Variants in MSRB3 observed in about 807,000 individuals in gnomAD.
MSRB3 encodes the protein methionine-R-sulfoxide reductase B3.
MSRB3 carries 13 observed loss-of-function variants against 21.0 expected under a neutral mutation model. The observed-to-expected ratio is 0.62, with a 90% CI of 0.40 to 0.98. The LOEUF is 0.98. MSRB3 is among the 50% of genes least tolerant of loss of function. The probability of loss-of-function intolerance (pLI) is 0.00; values close to 1 mark genes in which losing one functional copy is unlikely to be tolerated. For synonymous variants in MSRB3, 87 were observed against 88.6 expected, an observed-to-expected ratio of 0.98 and a Z score of 0.10; for missense variants, 199 against 230.3, an observed-to-expected ratio of 0.86 and a Z score of 0.88.
In MSRB3 at chr12:65,466,532, A is replaced by C. The variant is rs377347676; in HGVS notation, c.*3210A>C. The stretch of plus-strand genomic sequence containing the variant: ...AAGATGCAGAATTCTGTTGGTGTGC[A>C]AAAAGTATAGCCTTACATTCAAGCA... On this transcript the variant is annotated 3_prime_UTR_variant, in exon 7 of 7. Coordinates refer to ENST00000308259, the MANE Select transcript of MSRB3 (RefSeq NM_001031679.3). 6.6e-6 allele frequency: 1 copy of C among 152,170 alleles called. No homozygotes were observed. Among genetic ancestry groups the C allele is most frequent in the African/African-American group, 2.4e-5 (1 of 41,452 alleles). 9.4% of individuals were successfully genotyped at this position (152,170 alleles called of 1,614,324 possible).
chr12:65,398,628 A>C (rs758388404), intron 5 of MSRB3, among the ~76,000 whole-genome samples: 66 of 152,218 alleles, frequency 4.3e-4, no homozygotes, highest in Non-Finnish European at 4.3e-4. Context: ...CCCATTTGTC[A>C]ATTTTGGCTT....
chr12:65,351,592 A>G (rs1355682980), intron 4 of MSRB3, among the ~76,000 whole-genome samples: 3 of 149,690 alleles, frequency 2.0e-5, no homozygotes, highest in Admixed American at 2.0e-4. Context: ...AAAAAGAGAG[A>G]AGAATCAAAT....
chr12:65,284,669 G>T (rs1446502353), intron 1 of MSRB3: 1 of 152,176 alleles, frequency 6.6e-6, no homozygotes, highest in African/African-American at 2.4e-5. Context: ...GAGAAAAAGA[G>T]AGCATTTGTT....
chr12:65,311,621 C>T (rs1026964764), intron 2 of MSRB3, among the ~76,000 whole-genome samples: 3 of 151,862 alleles, frequency 2.0e-5, no homozygotes, highest in Admixed American at 1.3e-4. Context: ...AGAGAAGAGG[C>T]CAAAATTGGA....
At chr12:65,442,907 A>G (rs1210604489) in intron 5 of MSRB3, among the ~76,000 whole-genome samples, 1 of 152,126 alleles carries the variant, frequency 6.6e-6, no homozygotes, top group Non-Finnish European at 1.5e-5. Context: ...TAAAGTAGCA[A>G]GAGACAGTGT....
At chr12:65,411,582 T>C (rs1463222813) in intron 5 of MSRB3, among the ~76,000 whole-genome samples, 2 of 152,088 alleles carry the variant, frequency 1.3e-5, no homozygotes, top group African/African-American at 4.8e-5. Flanking sequence ...TGAAATTCTC[T>C]TTATAAGCTG....
intron 2 of MSRB3, among the ~76,000 whole-genome samples, chr12:65,318,259 T>G (rs1261452095): frequency 6.6e-6 from 1 of 152,192 alleles, no homozygotes; most frequent in Non-Finnish European, 1.5e-5. Flanking sequence ...TTTGCAAAGC[T>G]GAGTTTTTGA....
intron 2 of MSRB3, 61 bp from the exon 3 acceptor site, chr12:65,326,765 A>C: frequency 7.5e-7 from 1 of 1,330,476 alleles, no homozygotes. Flanking sequence ...CGGTCAGCCA[A>C]AGCAATTATT....
intron 5 of MSRB3, among the ~76,000 whole-genome samples, chr12:65,441,280 T>A (rs1463896239): frequency 6.6e-6 from 1 of 151,954 alleles, no homozygotes; most frequent in Non-Finnish European, 1.5e-5. Context: ...TAGTTGTAGT[T>A]CTCTGAGGTG....
chr12:65,308,957 G>C (rs1010359465), intron 2 of MSRB3: 5 of 421,432 alleles, frequency 1.2e-5, no homozygotes, highest in African/African-American at 1.0e-4. Context: ...TTCATAAGAG[G>C]CTGGCAGTCT....
chr12:65,383,467 A>G (rs1426760892), intron 5 of MSRB3, among the ~76,000 whole-genome samples: 1 of 152,098 alleles, frequency 6.6e-6, no homozygotes, highest in East Asian at 1.9e-4. Context: ...ACACATACCT[A>G]AGGAAAAAGT....
At chr12:65,428,606 G>A (rs1340743557) in intron 5 of MSRB3, among the ~76,000 whole-genome samples, 1 of 152,112 alleles carries the variant, frequency 6.6e-6, no homozygotes, top group Non-Finnish European at 1.5e-5. Flanking sequence ...ACAGGAGTAC[G>A]ACATTATTGG....
chr12:65,302,644 C>T (rs961095751), intron 1 of MSRB3, among the ~76,000 whole-genome samples: 2 of 152,096 alleles, frequency 1.3e-5, no homozygotes, highest in Admixed American at 1.3e-4. Context: ...AAAACAAATA[C>T]AATCACAAAA....
intron 5 of MSRB3, among the ~76,000 whole-genome samples, chr12:65,396,892 T>G (rs1262670305): frequency 6.6e-6 from 1 of 152,006 alleles, no homozygotes; most frequent in Non-Finnish European, 1.5e-5. Context: ...TTGATGGTGT[T>G]GTTAAGTTCA....
intron 5 of MSRB3, among the ~76,000 whole-genome samples, chr12:65,437,757 C>T (rs1197824609): frequency 1.3e-5 from 2 of 151,882 alleles, no homozygotes; most frequent in African/African-American, 2.4e-5. Context: ...CTAAGCCAAT[C>T]ATAAAATTCC....
At chr12:65,306,356 A>G (rs1002614447) in intron 1 of MSRB3, among the ~76,000 whole-genome samples, 1 of 152,190 alleles carries the variant, frequency 6.6e-6, no homozygotes, top group African/African-American at 2.4e-5. Context: ...TGATGTAACC[A>G]AGGCATCCAG....
chr12:65,307,188 G>T (rs1489320692), intron 1 of MSRB3, among the ~76,000 whole-genome samples: 1 of 152,124 alleles, frequency 6.6e-6, no homozygotes, highest in Non-Finnish European at 1.5e-5. Flanking sequence ...GCAGTCACTC[G>T]TGAAAATGAC....
At chr12:65,327,717 G>A (rs1367541114) in intron 3 of MSRB3, among the ~76,000 whole-genome samples, 1 of 152,094 alleles carries the variant, frequency 6.6e-6, no homozygotes, top group Non-Finnish European at 1.5e-5. Flanking sequence ...ACTACACATG[G>A]GATCCCTGTT....
intron 4 of MSRB3, among the ~76,000 whole-genome samples, chr12:65,362,281 A>G (rs1260229267): frequency 6.6e-6 from 1 of 152,178 alleles, no homozygotes; most frequent in African/African-American, 2.4e-5. Flanking sequence ...AGAGGGAAAG[A>G]TAGAAAAAGG....
Sources: allele counts gnomAD v4.1 joint callset (sites outside exome capture counted in the v4.1 genomes callset), GRCh38; gene constraint gnomAD v4.1.1; transcripts MANE v1.5; gene names NCBI Gene and HGNC (gene_info 2026-07-23, HGNC 2026-07-21).